Variants in CAB39 observed in about 807,000 individuals in gnomAD.
CAB39 encodes the protein calcium binding protein 39.
Under a neutral mutation model 40.0 loss-of-function variants are expected in CAB39, and 8 were observed. The ratio of observed to expected loss-of-function variants is 0.20; its 90% CI spans 0.12 to 0.36. CAB39 has a LOEUF of 0.36. CAB39 is among the 10% of genes least tolerant of loss of function. The probability of loss-of-function intolerance (pLI) is 1.00; values close to 1 mark genes in which losing one functional copy is unlikely to be tolerated. For missense variants in CAB39, 270 were observed against 401.1 expected (o/e 0.67, Z 2.79); for synonymous variants, 156 against 141.6 (o/e 1.10, Z -0.72).
chr2:230,761,609 T>C (rs145506500), intron 2 of CAB39, among the ~76,000 whole-genome samples: 1 of 152,216 alleles, frequency 6.6e-6, no homozygotes, highest in Non-Finnish European at 1.5e-5. Flanking sequence ...AGTATACAAC[T>C]AATTATTCCT....
chr2:230,712,931 C>G lies in CAB39; in HGVS notation c.-343C>G, dbSNP rs1441033409. The G allele has an allele frequency of 6.6e-6, 1 of 151,702 alleles. No homozygotes were observed. Among genetic ancestry groups the G allele is most frequent in the South Asian group, 2.1e-4 (1 of 4,868 alleles). The allele number at this position is 151,702 out of a possible 1,614,324, so 9.4% of individuals were successfully genotyped here. On this transcript the variant is annotated 5_prime_UTR_variant, in exon 1 of 9. Coordinates refer to ENST00000258418, the MANE Select transcript of CAB39 (RefSeq NM_016289.4). ...GCCTGGGAGACACAGAGCCTTCAGGCGCCGGGGCGGGGGCACAGGCGAAGA... is the reference window on the plus strand; with the variant it reads ...GCCTGGGAGACACAGAGCCTTCAGGGGCCGGGGCGGGGGCACAGGCGAAGA...
At chr2:230,733,137 T>A (rs1177813567) in intron 1 of CAB39, among the ~76,000 whole-genome samples, 5 of 152,162 alleles carry the variant, frequency 3.3e-5, no homozygotes, top group African/African-American at 1.2e-4. Flanking sequence ...AGTCACAGAT[T>A]AGTAGGGGTG....
intron 4 of CAB39, among the ~76,000 whole-genome samples, chr2:230,798,307 A>G (rs1256611230): frequency 2.6e-5 from 4 of 152,188 alleles, no homozygotes; most frequent in Non-Finnish European, 5.9e-5. Context: ...AGACCTATTT[A>G]GATATTCTGA....
intron 1 of CAB39, among the ~76,000 whole-genome samples, chr2:230,729,743 GAA>G (rs74770314): frequency 7.9e-6 from 1 of 126,182 alleles, no homozygotes; most frequent in African/African-American, 2.9e-5. Context: ...CTGTCTTAAG[GAA>G]AAAAAAAAAA....
intron 1 of CAB39, among the ~76,000 whole-genome samples, chr2:230,716,744 A>G (rs377396827): frequency 6.6e-6 from 1 of 152,176 alleles, no homozygotes; most frequent in East Asian, 1.9e-4. Context: ...GCTCACTCCT[A>G]TAATCCCAGT....
intron 1 of CAB39, among the ~76,000 whole-genome samples, chr2:230,741,015 G>A (rs1694867159): frequency 6.6e-6 from 1 of 152,204 alleles, no homozygotes; most frequent in African/African-American, 2.4e-5. Context: ...GACACATGGG[G>A]AGTATGGGAT....
At position 230,776,753 on chromosome 2, in the gene CAB39, C is replaced by G. The variant is rs754223971; in HGVS notation, c.115-14119C>G. Among the ~76,000 whole-genome samples, 5 of 151,748 alleles carry G rather than the reference C, an allele frequency of 3.3e-5. No homozygotes were observed. The East Asian group carries it at 9.7e-4, about 29-fold the overall frequency. On this transcript the variant is annotated intron_variant, in intron 2 of 8. Coordinates refer to ENST00000258418, the MANE Select transcript of CAB39 (RefSeq NM_016289.4). ...TCACCCAGGCTGGCATGCGGTGGCACGATCTCGGCTCACTGCAAGCTCCAC... is the reference window on the plus strand; with the variant it reads ...TCACCCAGGCTGGCATGCGGTGGCAGGATCTCGGCTCACTGCAAGCTCCAC...
chr2:230,723,318 T>C (rs1201751979), intron 1 of CAB39, among the ~76,000 whole-genome samples: 2 of 152,048 alleles, frequency 1.3e-5, no homozygotes, highest in African/African-American at 4.8e-5. Context: ...CCATTATCTT[T>C]TTTTTTTTCT....
At chr2:230,808,079 T>C (rs1400245830) in intron 5 of CAB39, among the ~76,000 whole-genome samples, 1 of 151,738 alleles carries the variant, frequency 6.6e-6, no homozygotes, top group Non-Finnish European at 1.5e-5. Context: ...TTCTTTTCTT[T>C]TTTTTTTTAA....
At chr2:230,722,959 T>C (rs1275746260) in intron 1 of CAB39, among the ~76,000 whole-genome samples, 2 of 152,210 alleles carry the variant, frequency 1.3e-5, no homozygotes, top group African/African-American at 4.8e-5. Context: ...TTATGCTATA[T>C]TATTATATAG....
chr2:230,765,176 G>A (rs1471467684), intron 2 of CAB39, among the ~76,000 whole-genome samples: 1 of 152,024 alleles, frequency 6.6e-6, no homozygotes, highest in Admixed American at 6.5e-5. Flanking sequence ...TTTTAGTAGA[G>A]AACAGGGTTT....
intron 1 of CAB39, among the ~76,000 whole-genome samples, chr2:230,745,978 C>T (rs1226408318): frequency 1.3e-5 from 2 of 152,092 alleles, no homozygotes; most frequent in African/African-American, 4.8e-5. Context: ...TCAGGGGTAT[C>T]CTTTTCATGT....
chr2:230,758,324 G>A (rs955912116), intron 1 of CAB39, among the ~76,000 whole-genome samples: 2 of 151,278 alleles, frequency 1.3e-5, no homozygotes, highest in African/African-American at 4.9e-5. Flanking sequence ...AAAATCCTTG[G>A]ATATTTAAGA....
chr2:230,799,291 A>G (rs1436489197), intron 5 of CAB39, among the ~76,000 whole-genome samples: 1 of 152,220 alleles, frequency 6.6e-6, no homozygotes, highest in East Asian at 1.9e-4. Flanking sequence ...TTTGGAATAT[A>G]CACTTCATGA....
intron 1 of CAB39, among the ~76,000 whole-genome samples, chr2:230,728,158 A>T (rs1553666139): frequency 1.3e-5 from 2 of 152,116 alleles, no homozygotes; most frequent in Non-Finnish European, 2.9e-5. Context: ...GAATTGCTTG[A>T]ACCTGGGAAG....
intron 2 of CAB39, among the ~76,000 whole-genome samples, chr2:230,767,083 G>T (rs1695399315): frequency 6.6e-6 from 1 of 152,152 alleles, no homozygotes; most frequent in Non-Finnish European, 1.5e-5. Context: ...TAGTTAAAAT[G>T]CCATTTCTTC....
At chr2:230,796,831 A>G (rs1027123373) in intron 4 of CAB39, among the ~76,000 whole-genome samples, 2 of 152,150 alleles carry the variant, frequency 1.3e-5, no homozygotes, top group Non-Finnish European at 1.5e-5. Flanking sequence ...AAAAGAGAGA[A>G]GGCATCCTAA....
rs1291410081 is a variant in CAB39 at position 230,819,919 on chromosome 2, A to C, written c.*1215A>C. 3.9e-5 allele frequency: 6 copies of C among 152,680 alleles called. No individual in the cohort carries two copies. In the East Asian group the frequency reaches 1.2e-3, roughly 29 times the overall value. 9.5% of individuals were successfully genotyped at this position (152,680 alleles called of 1,614,324 possible). On this transcript the variant is annotated 3_prime_UTR_variant, in exon 9 of 9. Coordinates refer to ENST00000258418, the MANE Select transcript of CAB39 (RefSeq NM_016289.4). ...CTTAGACTAAGTAACCCAGTACAAT[A>C]GTTGTGAACTGAATAATTAAAACTT...
chr2:230,790,850 C>T, intron 2 of CAB39, 22 bp from the exon 3 acceptor site: 1 of 1,583,554 alleles, frequency 6.3e-7, no homozygotes, highest in South Asian at 1.2e-5. Context: ...CTCCTCTTCC[C>T]AACTCCTCTC....
Sources: gnomAD v4.1 joint callset for allele counts (sites outside exome capture counted in the v4.1 genomes callset) on GRCh38, gnomAD v4.1.1 for gene constraint, MANE v1.5 for transcripts, NCBI Gene and HGNC (gene_info 2026-07-23, HGNC 2026-07-21) for gene names.